Variants in LIN28B observed in about 807,000 individuals in gnomAD.
LIN28B encodes the protein protein lin-28 homolog B.
LIN28B carries 5 observed loss-of-function variants against 21.9 expected under a neutral mutation model. That is an observed-to-expected ratio of 0.23 (90% CI 0.12 to 0.48). LIN28B has a LOEUF of 0.48. Among genes scored for constraint, LIN28B ranks in the 20% least tolerant of loss-of-function variants. The pLI is 0.98. For missense variants in LIN28B, 245 were observed against 310.5 expected (o/e 0.79, Z 1.58); for synonymous variants, 109 against 111.3 (o/e 0.98, Z 0.13).
chr6:105,077,298 GAAAAT>G (rs1231223818), intron 3 of LIN28B, among the ~76,000 whole-genome samples: 1 of 152,032 alleles, frequency 6.6e-6, no homozygotes, highest in South Asian at 2.1e-4. Flanking sequence ...AATGTATTTG[GAAAAT>G]AAAATAGAAA....
chr6:105,028,355 CATTCT>C, intron 3 of LIN28B, among the ~76,000 whole-genome samples: 1 of 152,268 alleles, frequency 6.6e-6, no homozygotes, highest in Admixed American at 6.5e-5. Flanking sequence ...CTCAGAGTAT[CATTCT>C]GGCAGCTGCA....
intron 2 of LIN28B, among the ~76,000 whole-genome samples, chr6:105,020,747 CTTTTTTTTTTT>C (rs1176851045): frequency 4.7e-5 from 4 of 85,388 alleles, no homozygotes; most frequent in African/African-American, 1.6e-4. Flanking sequence ...TCATTCCACT[CTTTTTTTTTTT>C]TTTTTTTTTT....
At chr6:105,012,247 C>T (rs1462297953) in intron 2 of LIN28B, among the ~76,000 whole-genome samples, 2 of 151,724 alleles carry the variant, frequency 1.3e-5, no homozygotes, top group African/African-American at 4.8e-5. Context: ...GCAGGTGGAT[C>T]ACCTGAGGTC....
intron 2 of LIN28B, among the ~76,000 whole-genome samples, chr6:104,993,295 T>C (rs1486400762): frequency 6.6e-6 from 1 of 151,882 alleles, no homozygotes; most frequent in African/African-American, 2.4e-5. Flanking sequence ...CAAGACCCTG[T>C]TTCTACCAAA....
intron 2 of LIN28B, among the ~76,000 whole-genome samples, chr6:104,947,818 G>A (rs879084062): frequency 2.7e-5 from 4 of 148,168 alleles, no homozygotes; most frequent in Admixed American, 6.7e-5. Flanking sequence ...AATCAACCTC[G>A]GTACAGGAAT....
At chr6:105,067,542 T>C (rs1474980533) in intron 3 of LIN28B, among the ~76,000 whole-genome samples, 1 of 152,218 alleles carries the variant, frequency 6.6e-6, no homozygotes, top group Non-Finnish European at 1.5e-5. Context: ...CATGAAGTTA[T>C]CTGTGTTTGA....
At chr6:105,033,581 A>G (rs1172095124) in intron 3 of LIN28B, among the ~76,000 whole-genome samples, 1 of 152,016 alleles carries the variant, frequency 6.6e-6, no homozygotes, top group African/African-American at 2.4e-5. Context: ...CCACATTTGA[A>G]AAGTTTTCTT....
intron 2 of LIN28B, among the ~76,000 whole-genome samples, chr6:104,998,495 C>T (rs1468256794): frequency 6.6e-6 from 1 of 151,706 alleles, no homozygotes; most frequent in Non-Finnish European, 1.5e-5. Flanking sequence ...ATTTGTTTAC[C>T]TTCACCATTT....
chr6:104,975,559 G>A (rs759233550), intron 2 of LIN28B, among the ~76,000 whole-genome samples: 4 of 152,124 alleles, frequency 2.6e-5, no homozygotes, highest in Non-Finnish European at 5.9e-5. Flanking sequence ...AGACAGTATT[G>A]TAGTAATTAT....
intron 3 of LIN28B, among the ~76,000 whole-genome samples, chr6:105,062,872 A>AT (rs540499955): frequency 4.6e-5 from 7 of 151,724 alleles, no homozygotes; most frequent in South Asian, 2.1e-4. Context: ...AATTTGATTG[A>AT]TTTTTTTCAT....
intron 2 of LIN28B, among the ~76,000 whole-genome samples, chr6:104,991,749 G>A (rs1406977295): frequency 6.6e-6 from 1 of 152,222 alleles, no homozygotes; most frequent in African/African-American, 2.4e-5. Flanking sequence ...ACGAGACTCC[G>A]TCTGCAATCC....
chr6:105,019,182 A>G (rs1273294114), intron 2 of LIN28B, among the ~76,000 whole-genome samples: 3 of 152,144 alleles, frequency 2.0e-5, no homozygotes, highest in African/African-American at 7.2e-5. Flanking sequence ...TCCTGATCTT[A>G]GGCAATCCAG....
At chr6:104,945,299 C>T (rs1778144097) in intron 2 of LIN28B, among the ~76,000 whole-genome samples, 1 of 151,956 alleles carries the variant, frequency 6.6e-6, no homozygotes, top group Non-Finnish European at 1.5e-5. Flanking sequence ...GGATGAGTAA[C>T]TTGTAAAGTG....
intron 2 of LIN28B, among the ~76,000 whole-genome samples, chr6:104,945,091 A>G (rs1778141200): frequency 6.6e-6 from 1 of 152,168 alleles, no homozygotes; most frequent in South Asian, 2.1e-4. Flanking sequence ...CAGACTTTAC[A>G]AAAACATTTT....
At chr6:104,990,830 T>G (rs1770450055) in intron 2 of LIN28B, among the ~76,000 whole-genome samples, 1 of 152,190 alleles carries the variant, frequency 6.6e-6, no homozygotes, top group Admixed American at 6.5e-5. Context: ...CTTAATCCAT[T>G]TAACCCTGAG....
intron 3 of LIN28B, among the ~76,000 whole-genome samples, chr6:105,063,665 A>C (rs1312249031): frequency 1.3e-5 from 2 of 151,204 alleles, no homozygotes; most frequent in South Asian, 2.1e-4. Flanking sequence ...AGGTAAAGTA[A>C]AGGATAATAA....
intron 3 of LIN28B, among the ~76,000 whole-genome samples, chr6:105,072,090 G>C (rs868383276): frequency 6.7e-6 from 1 of 148,528 alleles, no homozygotes; most frequent in Admixed American, 6.7e-5. Context: ...TTTTGTGTCT[G>C]TGTGTGTGTG....
chr6:105,074,581 T>A (rs1465334828), intron 3 of LIN28B, among the ~76,000 whole-genome samples: 1 of 152,218 alleles, frequency 6.6e-6, no homozygotes, highest in Non-Finnish European at 1.5e-5. Flanking sequence ...CTTCTATCTT[T>A]AAACGCTCCT....
intron 2 of LIN28B, among the ~76,000 whole-genome samples, chr6:104,970,519 C>T (rs1769954215): frequency 6.6e-6 from 1 of 152,128 alleles, no homozygotes; most frequent in Admixed American, 6.5e-5. Flanking sequence ...CCTTACATTA[C>T]ATCCATGCTG....
Sources: gnomAD v4.1 joint callset for allele counts (sites outside exome capture counted in the v4.1 genomes callset) on GRCh38, gnomAD v4.1.1 for gene constraint, MANE v1.5 for transcripts, NCBI Gene and HGNC (gene_info 2026-07-23, HGNC 2026-07-21) for gene names.